Variants in PCDH9 observed in about 807,000 individuals in gnomAD.
PCDH9 encodes protocadherin-9.
A neutral mutation model predicts 70.6 loss-of-function variants in PCDH9; 24 were observed. The ratio of observed to expected loss-of-function variants is 0.34; its 90% confidence interval spans 0.25 to 0.48. The LOEUF is 0.48. PCDH9 is among the 20% of genes least tolerant of loss of function. The probability of loss-of-function intolerance (pLI) is 0.99; values close to 1 mark genes in which losing one functional copy is unlikely to be tolerated. For synonymous variants in PCDH9, 562 were observed against 558.5 expected, an observed-to-expected ratio of 1.01 and a Z score of -0.09; for missense variants, 1,281 against 1,503.6, an observed-to-expected ratio of 0.85 and a Z score of 2.45.
At chr13:66,447,215 T>C (rs1017411076) in intron 4 of PCDH9, among the ~76,000 whole-genome samples, 2 of 152,050 alleles carry the variant, frequency 1.3e-5, no homozygotes, top group African/African-American at 4.8e-5. Flanking sequence ...TATTTTTAAG[T>C]TGCAAAATAG....
At chr13:66,997,507 G>A (rs1280780623) in intron 2 of PCDH9, among the ~76,000 whole-genome samples, 1 of 144,202 alleles carries the variant, frequency 6.9e-6, no homozygotes, top group African/African-American at 2.8e-5. Context: ...CTGGAGGTCT[G>A]TTTTGTTTTG....
intron 3 of PCDH9, among the ~76,000 whole-genome samples, chr13:66,769,134 T>A (rs2324967): frequency 2.0e-5 from 3 of 151,728 alleles, no homozygotes; most frequent in African/African-American, 4.8e-5. Context: ...TAAGTCTCAA[T>A]CAGCCATCAA....
At chr13:66,430,654 C>G (rs921465780) in intron 4 of PCDH9, among the ~76,000 whole-genome samples, 3 of 152,040 alleles carry the variant, frequency 2.0e-5, no homozygotes, top group Non-Finnish European at 2.9e-5. Context: ...TCTTAACCTG[C>G]TATTCACTCT....
intron 4 of PCDH9, among the ~76,000 whole-genome samples, chr13:66,607,416 C>T (rs1251469662): frequency 6.6e-6 from 1 of 152,016 alleles, no homozygotes; most frequent in Non-Finnish European, 1.5e-5. Context: ...GTGACTTCTA[C>T]TTTTCTATCA....
chr13:66,551,211 A>G lies in PCDH9; in HGVS notation c.3340+79999T>C, dbSNP rs183923106. 2.2e-3 allele frequency among the ~76,000 whole-genome samples: 337 copies of G among 152,302 alleles called. 1 individual carries two copies. The highest frequency in any genetic ancestry group is 3.6e-3 in the Non-Finnish European group (247 of 68,032). ...CCTCCCTAAAACGACCTTGGAACTC[A>G]GATCCCCAAGGACCATATCCAATTT... On this transcript the variant is annotated intron_variant, in intron 4 of 4. Transcript: ENST00000377865.
chr13:67,131,283 C>A (rs191611265), intron 2 of PCDH9, among the ~76,000 whole-genome samples: 1 of 152,042 alleles, frequency 6.6e-6, no homozygotes, highest in Non-Finnish European at 1.5e-5. Flanking sequence ...AAAGAAATGG[C>A]TGTATTAGAC....
chr13:66,777,155 T>C (rs2079909700), intron 3 of PCDH9, among the ~76,000 whole-genome samples: 1 of 151,878 alleles, frequency 6.6e-6, no homozygotes, highest in African/African-American at 2.4e-5. Flanking sequence ...ACTTAAACAT[T>C]AGACCTAAAA....
chr13:66,925,336 T>TC (rs34321004), intron 2 of PCDH9, among the ~76,000 whole-genome samples: 97,680 of 151,566 alleles, frequency 0.64, 31,773 homozygotes, highest in African/African-American at 0.75. Context: ...CATTTTTGGC[T>TC]TACCGTATCT....
chr13:66,618,233 A>G (rs2077382555), intron 4 of PCDH9, among the ~76,000 whole-genome samples: 1 of 152,112 alleles, frequency 6.6e-6, no homozygotes, highest in Non-Finnish European at 1.5e-5. Context: ...GGGACAAAGA[A>G]CCTCATCTTT....
chr13:66,311,431 T>C (rs1199333156), intron 4 of PCDH9, among the ~76,000 whole-genome samples: 1 of 151,842 alleles, frequency 6.6e-6, no homozygotes, highest in Admixed American at 6.6e-5. Context: ...AGCATAACTT[T>C]TTTTGTGGAT....
chr13:67,093,465 A>AATG (rs1566420246), intron 2 of PCDH9, among the ~76,000 whole-genome samples: 1 of 152,100 alleles, frequency 6.6e-6, no homozygotes. Flanking sequence ...AAATAATAAT[A>AATG]ATAATAAGTA....
Position 66,561,385 on chromosome 13 carries a change from C to T in PCDH9, c.3340+69825G>A, listed in dbSNP as rs552743055. Among the ~76,000 whole-genome samples, 467 of 152,326 alleles carry T rather than the reference C, an allele frequency of 3.1e-3. 2 individuals carry two copies. Among genetic ancestry groups the T allele is most frequent in the African/African-American group, 0.011 (448 of 41,588 alleles). ...GCTCCACTGCACCCAGTCCCATCCACCACCCAAGGGCTGAGGAGTGCAGAC... is the reference window on the plus strand; with the variant it reads ...GCTCCACTGCACCCAGTCCCATCCATCACCCAAGGGCTGAGGAGTGCAGAC... On this transcript the variant is annotated intron_variant, in intron 4 of 4. Transcript: ENST00000377865.
intron 3 of PCDH9, among the ~76,000 whole-genome samples, chr13:66,689,086 G>A (rs980432573): frequency 2.6e-5 from 4 of 152,108 alleles, no homozygotes; most frequent in Non-Finnish European, 4.4e-5. Flanking sequence ...AAACACAAAT[G>A]TATGTATCTA....
intron 4 of PCDH9, among the ~76,000 whole-genome samples, chr13:66,422,524 T>C (rs1487106363): frequency 6.6e-6 from 1 of 152,162 alleles, no homozygotes; most frequent in Non-Finnish European, 1.5e-5. Flanking sequence ...CACAACTACA[T>C]GGAAACTGAA....
At chr13:66,501,112 AGGCG>A (rs1959175096) in intron 4 of PCDH9, among the ~76,000 whole-genome samples, 1 of 152,152 alleles carries the variant, frequency 6.6e-6, no homozygotes, top group Non-Finnish European at 1.5e-5. Flanking sequence ...AAATCTCAAA[AGGCG>A]GGCCAAACTT....
chr13:66,729,590 C>G lies in PCDH9; in HGVS notation c.3139-98179G>C, dbSNP rs552952985. Among the ~76,000 whole-genome samples, 6 of 152,166 alleles carry G rather than the reference C, an allele frequency of 3.9e-5. No individual in the cohort carries two copies. In the East Asian group the frequency reaches 1.2e-3, roughly 29 times the overall value. On this transcript the variant is annotated intron_variant, in intron 3 of 4. Coordinates refer to ENST00000377865, the MANE Select transcript of PCDH9 (RefSeq NM_203487.3). ...TTTAGCCTTTATTTTCAGCTGTCTA[C>G]CCTCATCCCCAACTTCTATACACCT...
chr13:67,133,659 A>G (rs2087161785), intron 2 of PCDH9, among the ~76,000 whole-genome samples: 1 of 152,108 alleles, frequency 6.6e-6, no homozygotes, highest in Non-Finnish European at 1.5e-5. Flanking sequence ...GAGAATTGGA[A>G]CAAACCCAGG....
At chr13:66,403,709 A>G (rs1222481179) in intron 4 of PCDH9, among the ~76,000 whole-genome samples, 1 of 152,178 alleles carries the variant, frequency 6.6e-6, no homozygotes, top group Non-Finnish European at 1.5e-5. Context: ...CCCATTAAAA[A>G]TCAGAGCAAT....
chr13:66,537,192 A>G (rs1211084113), intron 4 of PCDH9, among the ~76,000 whole-genome samples: 1 of 152,046 alleles, frequency 6.6e-6, no homozygotes. Flanking sequence ...GTTGCATTGT[A>G]CGCACTGATC....
Sources: gnomAD v4.1 joint callset for allele counts (sites outside exome capture counted in the v4.1 genomes callset) on GRCh38, gnomAD v4.1.1 for gene constraint, MANE v1.5 for transcripts, NCBI Gene and HGNC (gene_info 2026-07-23, HGNC 2026-07-21) for gene names.